The following ARNT variants were observed in gnomAD, a reference collection of about 807,000 sequenced individuals.
ARNT encodes aryl hydrocarbon receptor nuclear translocator.
ARNT carries 30 observed loss-of-function variants against 105.0 expected under a neutral mutation model. The ratio of observed to expected loss-of-function variants is 0.29; its 90% CI spans 0.21 to 0.39. The LOEUF is 0.39. Among genes scored for constraint, ARNT ranks in the 10% least tolerant of loss-of-function variants. The pLI is 1.00. For missense variants in ARNT, 748 were observed against 978.7 expected (o/e 0.76, Z 3.15); for synonymous variants, 304 against 344.0 (o/e 0.88, Z 1.29).
intron 2 of ARNT, among the ~76,000 whole-genome samples, chr1:150,854,723 G>C (rs1664255757): frequency 2.0e-5 from 3 of 151,802 alleles, no homozygotes; most frequent in Admixed American, 2.0e-4. Context: ...TGGGTGTGGT[G>C]GCGGGCACCT....
At chr1:150,832,529 G>C in intron 8 of ARNT, 130 bp from the exon 9 acceptor site, 2 of 823,156 alleles carry the variant, frequency 2.4e-6, no homozygotes, top group Non-Finnish European at 4.0e-6. Flanking sequence ...TAATAATGAA[G>C]GATAAAGATA....
intron 3 of ARNT, among the ~76,000 whole-genome samples, chr1:150,850,409 GTGCC>G (rs1004512392): frequency 6.6e-6 from 1 of 152,208 alleles, no homozygotes; most frequent in African/African-American, 2.4e-5. Context: ...AGCCTGCCGA[GTGCC>G]TGCGATTGCA....
At chr1:150,851,858 A>G (rs1048464704) in intron 3 of ARNT, among the ~76,000 whole-genome samples, 5 of 152,080 alleles carry the variant, frequency 3.3e-5, no homozygotes, top group Non-Finnish European at 7.4e-5. Context: ...GATCAATAAA[A>G]AAGAAAATTA....
chr1:150,813,394 A>C, intron 20 of ARNT, 56 bp from the exon 21 acceptor site: 1 of 1,501,672 alleles, frequency 6.7e-7, no homozygotes, highest in Non-Finnish European at 8.9e-7. Flanking sequence ...TCCATTGTGT[A>C]CTAATGCCAC....
At chr1:150,826,510 A>C in intron 13 of ARNT, 33 bp downstream of exon 13, 2 of 1,554,924 alleles carry the variant, frequency 1.3e-6, no homozygotes, top group South Asian at 2.2e-5. Context: ...TATGACAAAT[A>C]TTTATTCAGA....
At chr1:150,822,371 G>A (rs1657278662) in intron 14 of ARNT, among the ~76,000 whole-genome samples, 1 of 152,134 alleles carries the variant, frequency 6.6e-6, no homozygotes, top group African/African-American at 2.4e-5. Context: ...AGAGGGCTGG[G>A]ACTTTTAGCC....
chr1:150,820,387 G>A (rs1656797075), intron 14 of ARNT, among the ~76,000 whole-genome samples: 1 of 152,178 alleles, frequency 6.6e-6, no homozygotes, highest in South Asian at 2.1e-4. Context: ...CTCTGGCCAG[G>A]TGCAGTGGCT....
chr1:150,813,803 C>T (rs1655253656), intron 20 of ARNT, among the ~76,000 whole-genome samples: 2 of 152,002 alleles, frequency 1.3e-5, no homozygotes, highest in Non-Finnish European at 2.9e-5. Context: ...CGGTACCACA[C>T]CCGGTAGAGA....
chr1:150,820,788 G>C (rs587612923), intron 14 of ARNT, among the ~76,000 whole-genome samples: 1 of 152,322 alleles, frequency 6.6e-6, no homozygotes, highest in African/African-American at 2.4e-5. Flanking sequence ...AGAGGAGAAA[G>C]GGATAGCTTG....
chr1:150,839,987 TCC>T (rs1660991454), intron 5 of ARNT, among the ~76,000 whole-genome samples: 2 of 152,162 alleles, frequency 1.3e-5, no homozygotes, highest in African/African-American at 4.8e-5. Context: ...ATGCCTGTAA[TCC>T]CAGCACTTTG....
intron 10 of ARNT, among the ~76,000 whole-genome samples, chr1:150,831,167 T>C (rs1659301618): frequency 6.6e-6 from 1 of 152,182 alleles, no homozygotes; most frequent in African/African-American, 2.4e-5. Context: ...CATCCAAAGT[T>C]TAACCTTTTT....
rs1201622172 is a variant in ARNT, at chr1:150,834,632, G to A, written c.709C>T (p.Leu237=). 4 of 1,613,852 alleles carry A rather than the reference G, an allele frequency of 2.5e-6. No homozygotes were observed. Among genetic ancestry groups the A allele is most frequent in the Non-Finnish European group, 3.4e-6 (4 of 1,179,852 alleles). ...TTCACTGTTCCAGTCTTTAGATCCA[G>A]GATACGCCCTGAAGGAAGATGTGAA... ...TSENALTGRI[L]DLKTGTVKKE... is the part of the protein sequence containing the mutation. Residue 237 remains leucine (L), a synonymous_variant, in exon 8 of 22, where the codon CTG becomes TTG. Transcript: ENST00000358595.
intron 1 of ARNT, 41 bp from the exon 2 acceptor site, chr1:150,858,501 G>A (rs1369631354): frequency 6.9e-7 from 1 of 1,451,220 alleles, no homozygotes; most frequent in Admixed American, 1.9e-5. Context: ...TAAAAAGACA[G>A]TCCTTGCTTA....
intron 2 of ARNT, among the ~76,000 whole-genome samples, chr1:150,854,305 C>T (rs2102224303): frequency 6.6e-6 from 1 of 152,242 alleles, no homozygotes; most frequent in Non-Finnish European, 1.5e-5. Context: ...CACCTGTAGT[C>T]CACGCACTTT....
chr1:150,867,420 A>G (rs1178859507), intron 1 of ARNT, among the ~76,000 whole-genome samples: 1 of 151,602 alleles, frequency 6.6e-6, no homozygotes, highest in African/African-American at 2.4e-5. Flanking sequence ...GCACAATGGC[A>G]CACACCTGTA....
At chr1:150,858,251 G>C (rs1046586269) in intron 2 of ARNT, 98 bp downstream of exon 2, 1 of 839,098 alleles carries the variant, frequency 1.2e-6, no homozygotes, top group Admixed American at 2.2e-5. Flanking sequence ...GAAGTGAGAT[G>C]GTCAGGAATA....
intron 11 of ARNT, 182 bp from the exon 12 acceptor site, chr1:150,829,409 G>T (rs1317627390): frequency 3.1e-6 from 2 of 639,404 alleles, no homozygotes; most frequent in African/African-American, 3.7e-5. Context: ...ATAAGGTCTA[G>T]CTCTGCTCCC....
At chr1:150,819,413 T>C (rs76262208) in intron 14 of ARNT, among the ~76,000 whole-genome samples, 10,489 of 152,112 alleles carry the variant, frequency 0.069, 1,014 homozygotes, top group African/African-American at 0.21. Flanking sequence ...TATATCCACA[T>C]AAAAACTAGT....
At position 150,828,041 on chromosome 1, in the gene ARNT, A is replaced by G. The variant is rs587684965; in HGVS notation, c.1167+1052T>C. ...AGTTGTTTATATATTCCTGGTACAA[A>G]TCCTCTTTCAGGTATATGACTTGTA... is the stretch of plus-strand genomic sequence containing the variant. On this transcript the variant is annotated intron_variant, in intron 12 of 21. Coordinates refer to ENST00000358595, the MANE Select transcript of ARNT (RefSeq NM_001668.4). Among the ~76,000 whole-genome samples the G allele has an allele frequency of 7.9e-5, 12 of 152,262 alleles. No homozygotes were observed. The South Asian group carries it at 2.3e-3, about 29-fold the overall frequency.
Sources: allele counts gnomAD v4.1 joint callset (sites outside exome capture counted in the v4.1 genomes callset), GRCh38; gene constraint gnomAD v4.1.1; transcripts MANE v1.5; gene names NCBI Gene and HGNC (gene_info 2026-07-23, HGNC 2026-07-21).